Variants in SIDT2 observed in about 807,000 individuals in gnomAD.
SIDT2 encodes the protein SID1 transmembrane family member 2, also known as SID1 transmembrane family, member 2.
In SIDT2, 68 loss-of-function variants were observed where a neutral mutation model predicts 114.4. The ratio of observed to expected loss-of-function variants is 0.59; its 90% CI spans 0.49 to 0.73. The LOEUF (loss-of-function observed/expected upper bound fraction) is 0.73, where lower values mean the gene tolerates loss of function less well. SIDT2 is among the 30% of genes least tolerant of loss of function. The probability of loss-of-function intolerance (pLI) is 0.00; values close to 1 mark genes in which losing one functional copy is unlikely to be tolerated. For missense variants in SIDT2, 918 were observed against 1,097.1 expected (o/e 0.84, Z 2.31); for synonymous variants, 470 against 438.4 (o/e 1.07, Z -0.90).
chr11:117,194,178 G>C, intron 24 of SIDT2: 1 of 464,476 alleles, frequency 2.2e-6, no homozygotes, highest in Non-Finnish European at 3.9e-6. Context: ...AGCCTGGCGT[G>C]GTGGTATTCA....
rs1670419663 is a variant in SIDT2, at chr11:117,183,970, T to C, written c.802+92T>C. On this transcript the variant is annotated intron_variant, in intron 7 of 25. Coordinates refer to ENST00000324225, the MANE Select transcript of SIDT2 (RefSeq NM_001040455.2). ...AGCCTGCGTGGCTGATTGGTGGACCTGATAGGACATGGGTTTTTGGCTCCA... is the reference window on the plus strand; with the variant it reads ...AGCCTGCGTGGCTGATTGGTGGACCCGATAGGACATGGGTTTTTGGCTCCA... 3 of 1,508,102 alleles carry C rather than the reference T, an allele frequency of 2.0e-6. No homozygotes were observed. The South Asian group carries it at 3.4e-5, about 17-fold the overall frequency. The allele number at this position is 1,508,102 out of a possible 1,614,324, so 93.4% of individuals were successfully genotyped here.
Position 117,196,138 on chromosome 11 carries a change from G to A in SIDT2, c.*72G>A, listed in dbSNP as rs1318877281. The stretch of plus-strand genomic sequence containing the variant: ...TGTGTCATAGACCGGTCACTCTGTC[G>A]TGCTGTGGGGATGAGTCCCAGCACC... On this transcript the variant is annotated 3_prime_UTR_variant, in exon 26 of 26. Transcript: ENST00000324225. The surrounding 1 kb of genome is among the most constrained non-coding windows in gnomAD (Gnocchi z 4.9). 11 of 1,596,934 alleles carry A rather than the reference G, an allele frequency of 6.9e-6. No homozygotes were observed. In the East Asian group the frequency reaches 8.9e-5, roughly 13 times the overall value.
Position 117,182,782 on chromosome 11 carries a change from C to G in SIDT2, c.678C>G (p.Thr226=), listed in dbSNP as rs1168524303. The change falls in exon 6 of 26, where the codon ACC becomes ACG. Residue 226 remains threonine (T), a synonymous_variant. Coordinates refer to ENST00000324225, the MANE Select transcript of SIDT2 (RefSeq NM_001040455.2). ...TCATCGGCATGTACCAGACGATGACCAAGAAGGCGGCCATCACCGTACAGG... is the reference window on the plus strand; with the variant it reads ...TCATCGGCATGTACCAGACGATGACGAAGAAGGCGGCCATCACCGTACAGG... The part of the protein sequence containing the change: ...VAFIGMYQTM[T]KKAAITVQRK... 6.2e-7 allele frequency: 1 copy of G among 1,613,966 alleles called. No homozygotes were observed. The highest frequency in any genetic ancestry group is 1.3e-5 in the African/African-American group (1 of 74,942).
chr11:117,187,387 G>A lies in SIDT2; in HGVS notation c.1025G>A (p.Arg342Gln), dbSNP rs773668270. Residue 342 changes from arginine (R) to glutamine (Q), a missense_variant, in exon 11 of 26, where the codon CGA (arginine) becomes CAA (glutamine). Coordinates refer to ENST00000324225, the MANE Select transcript of SIDT2 (RefSeq NM_001040455.2). ...DRACPESGHP[R>Q]VLADSFPGSS... ...TGACTTCTCATTGCAGGTCACCCTC[G>A]AGTCCTGGCTGATTCTTTTCCTGGC... 9 of 1,613,886 alleles carry A rather than the reference G, an allele frequency of 5.6e-6. No homozygotes were observed. Among genetic ancestry groups the A allele is most frequent in the South Asian group, 3.3e-5 (3 of 91,076 alleles).
intron 24 of SIDT2, among the ~76,000 whole-genome samples, chr11:117,195,055 C>T (rs1186628941): frequency 7.7e-6 from 1 of 130,486 alleles, no homozygotes; most frequent in Non-Finnish European, 1.6e-5. Context: ...CCACTGCACT[C>T]CAGCCTGTCA....
chr11:117,193,346 A>G, intron 23 of SIDT2, 88 bp downstream of exon 23: 1 of 1,160,106 alleles, frequency 8.6e-7, no homozygotes, highest in South Asian at 1.4e-5. Flanking sequence ...GGCAGTGAGA[A>G]GTTTTCTGTC....
Position 117,192,534 on chromosome 11 carries a change from G to A in SIDT2, c.1982-40G>A. The A allele has an allele frequency of 6.2e-7, 1 of 1,602,300 alleles. No homozygotes were observed. Among genetic ancestry groups the A allele is most frequent in the African/African-American group, 1.3e-5 (1 of 74,984 alleles). On this transcript the variant is annotated intron_variant, in intron 20 of 25. Coordinates refer to ENST00000324225, the MANE Select transcript of SIDT2 (RefSeq NM_001040455.2). The surrounding 1 kb of genome is among the most constrained non-coding windows in gnomAD (Gnocchi z 5.9). ...CATCCCAGGGGTCCAGCAAAGGAGG[G>A]TGCCCCGTGCCTGTCAGCACCACTC...
At chr11:117,193,703 C>T (rs2030785560) in intron 23 of SIDT2, 150 bp from the exon 24 acceptor site, 5 of 614,942 alleles carry the variant, frequency 8.1e-6, no homozygotes, top group Non-Finnish European at 1.2e-5. Flanking sequence ...AGGTTGAGCT[C>T]TGTGGTTGTG....
intron 2 of SIDT2, 61 bp downstream of exon 2, chr11:117,181,598 T>C: frequency 6.2e-7 from 1 of 1,607,066 alleles, no homozygotes; most frequent in Non-Finnish European, 8.5e-7. Flanking sequence ...GGCTGGAGCC[T>C]CAACCAGGAG....
At position 117,179,220 on chromosome 11, in the gene SIDT2, G is replaced by C. The variant is rs955890547; in HGVS notation, c.-44G>C. 6.3e-7 allele frequency: 1 copy of C among 1,584,840 alleles called. No homozygotes were observed. The highest frequency in any genetic ancestry group is 8.6e-7 in the Non-Finnish European group (1 of 1,167,054). ...CGGAGGTGTCCTGTCTCCTGTCGCC[G>C]CCGCCGCCGCCACCACCGCTGCCAC... On this transcript the variant is annotated 5_prime_UTR_variant, in exon 1 of 26. Coordinates refer to ENST00000324225, the MANE Select transcript of SIDT2 (RefSeq NM_001040455.2).
At chr11:117,194,548 CAT>C (rs2030821443) in intron 24 of SIDT2, among the ~76,000 whole-genome samples, 1 of 152,230 alleles carries the variant, frequency 6.6e-6, no homozygotes, top group African/African-American at 2.4e-5. Flanking sequence ...ACACCTACCA[CAT>C]GTCAGGCTTT....
chr11:117,193,789 GT>G, intron 23 of SIDT2, 63 bp from the exon 24 acceptor site: 7 of 1,211,846 alleles, frequency 5.8e-6, no homozygotes, highest in South Asian at 1.2e-5. Context: ...GAAAGGCTGG[GT>G]GGGACAGCGG....
chr11:117,184,137 C>G lies in SIDT2; in HGVS notation c.866C>G (p.Thr289Arg). The G allele has an allele frequency of 6.2e-7, 1 of 1,613,934 alleles. No homozygotes were observed. The highest frequency in any genetic ancestry group is 8.5e-7 in the Non-Finnish European group (1 of 1,179,912). Reference protein sequence around the residue: ...TLSVLVSQAVTSEAYVSGMLF... With the variant: ...TLSVLVSQAVRSEAYVSGMLF... Reference sequence around the variant, plus strand: ...TCAGTGCTGGTGTCTCAAGCAGTCACGTGTGAGTGCTGCAGGTGGCTGAGA... The same window carrying G: ...TCAGTGCTGGTGTCTCAAGCAGTCAGGTGTGAGTGCTGCAGGTGGCTGAGA... The change falls in exon 8 of 26, where the codon ACG (threonine) becomes AGG (arginine). Residue 289 changes from threonine (T) to arginine (R), a missense_variant and splice_region_variant. By Grantham distance (71) the Thr-to-Arg change is moderately conservative. This residue lies in a region of SIDT2 where 553 missense variants were observed against 600.1 expected (regional missense o/e 0.92). Coordinates refer to ENST00000324225, the MANE Select transcript of SIDT2 (RefSeq NM_001040455.2).
chr11:117,196,243 C>G lies in SIDT2; in HGVS notation c.*177C>G. Reference sequence around the variant, plus strand: ...GGGACAGCCATGGGGTGGCATGGAACCTTGCAGCTGCCCTCTGCCGAGGAG... The same window carrying G: ...GGGACAGCCATGGGGTGGCATGGAAGCTTGCAGCTGCCCTCTGCCGAGGAG... On this transcript the variant is annotated 3_prime_UTR_variant, in exon 26 of 26. Coordinates refer to ENST00000324225, the MANE Select transcript of SIDT2 (RefSeq NM_001040455.2). The surrounding 1 kb of genome is among the most constrained non-coding windows in gnomAD (Gnocchi z 4.9). 1 of 793,994 alleles carries G rather than the reference C, an allele frequency of 1.3e-6. No homozygotes were observed. The highest frequency in any genetic ancestry group is 1.8e-5 in the South Asian group (1 of 56,284). The allele number at this position is 793,994 out of a possible 1,614,324, so 49.2% of individuals were successfully genotyped here.
chr11:117,179,372 C>T lies in SIDT2; in HGVS notation c.109C>T (p.Arg37Cys), dbSNP rs544516590. The T allele has an allele frequency of 5.6e-6, 9 of 1,614,130 alleles. No homozygotes were observed. The African/African-American group carries it at 1.1e-4, about 19-fold the overall frequency. ...NVSQKDAEFE[R>C]TYVDEVNSEL... ...CTCGCAGAAAGACGCCGAGTTTGAGCGCACCTACGTGGACGAGGTCAACAG... is the reference window on the plus strand; with the variant it reads ...CTCGCAGAAAGACGCCGAGTTTGAGTGCACCTACGTGGACGAGGTCAACAG... The change falls in exon 1 of 26, where the codon CGC (arginine) becomes TGC (cysteine). Residue 37 changes from arginine to cysteine, a missense_variant. Coordinates refer to ENST00000324225, the MANE Select transcript of SIDT2 (RefSeq NM_001040455.2).
At chr11:117,187,242 C>A in intron 10 of SIDT2, 136 bp from the exon 11 acceptor site, 2 of 974,612 alleles carry the variant, frequency 2.1e-6, no homozygotes, top group Non-Finnish European at 3.2e-6. Context: ...GGTGTGTTTG[C>A]CTGGATAGGT....
intron 9 of SIDT2, 106 bp from the exon 10 acceptor site, chr11:117,186,478 G>T: frequency 8.7e-7 from 1 of 1,153,522 alleles, no homozygotes; most frequent in Non-Finnish European, 1.2e-6. Context: ...GGAGGACAGG[G>T]TCATAGCGAT....
chr11:117,179,281 G>T lies in SIDT2; in HGVS notation c.18G>T (p.Leu6Phe). The change falls in exon 1 of 26, where the codon TTG (leucine) becomes TTT (phenylalanine). Residue 6 changes from leucine (L) to phenylalanine (F), a missense_variant. Leu to Phe is a conservative substitution (Grantham distance 22). Transcript: ENST00000324225. MFALG[L>F]PFLVLLVASV... ...CCGGGGCCATGTTCGCTCTGGGCTT[G>T]CCCTTCTTGGTGCTCTTGGTGGCCT... The T allele has an allele frequency of 2.5e-6, 4 of 1,613,524 alleles. No homozygotes were observed. The highest frequency in any genetic ancestry group is 3.4e-6 in the Non-Finnish European group (4 of 1,179,826).
Position 117,187,391 on chromosome 11 carries a change from C to T in SIDT2, c.1029C>T (p.Val343=). The T allele has an allele frequency of 1.9e-6, 3 of 1,614,080 alleles. No homozygotes were observed. The South Asian group carries it at 3.3e-5, about 18-fold the overall frequency. Residue 343 remains valine (V), a synonymous_variant, in exon 11 of 26, where the codon GTC becomes GTT. Transcript: ENST00000324225. ...TTCTCATTGCAGGTCACCCTCGAGT[C>T]CTGGCTGATTCTTTTCCTGGCAGTT... The part of the protein sequence containing the change: ...RACPESGHPR[V]LADSFPGSSP...
Sources: allele counts gnomAD v4.1 joint callset (sites outside exome capture counted in the v4.1 genomes callset), GRCh38; gene constraint gnomAD v4.1.1; regional missense constraint gnomAD v4.1.1; non-coding constraint Gnocchi (gnomAD v3.1); transcripts MANE v1.5; gene names NCBI Gene and HGNC (gene_info 2026-07-23, HGNC 2026-07-21).